PIP4K2A: variants seen among roughly 807,000 people sequenced by gnomAD.
PIP4K2A encodes the protein phosphatidylinositol 5-phosphate 4-kinase type-2 alpha.
PIP4K2A carries 14 observed loss-of-function variants against 42.9 expected under a neutral mutation model. That is an observed-to-expected ratio of 0.33 (90% CI 0.22 to 0.51). The LOEUF (loss-of-function observed/expected upper bound fraction) is 0.51, where lower values mean the gene tolerates loss of function less well. Among genes scored for constraint, PIP4K2A ranks in the 20% least tolerant of loss-of-function variants. The pLI, the probability that PIP4K2A is intolerant of heterozygous loss-of-function variation, is 0.97. For synonymous variants in PIP4K2A, 192 were observed against 192.2 expected, an observed-to-expected ratio of 1.00 and a Z score of 0.01; for missense variants, 434 against 519.8, an observed-to-expected ratio of 0.83 and a Z score of 1.61.
At chr10:22,571,966 T>C (rs1267665479) in intron 5 of PIP4K2A, among the ~76,000 whole-genome samples, 1 of 152,256 alleles carries the variant, frequency 6.6e-6, no homozygotes, top group African/African-American at 2.4e-5. Flanking sequence ...TTATTTTTCA[T>C]AAAAATGTTA....
At chr10:22,644,459 AAC>A (rs1838840140) in intron 1 of PIP4K2A, among the ~76,000 whole-genome samples, 2 of 152,092 alleles carry the variant, frequency 1.3e-5, no homozygotes, top group African/African-American at 2.4e-5. Flanking sequence ...ATCCCTGCCC[AAC>A]TCCTCTACAA....
intron 6 of PIP4K2A, among the ~76,000 whole-genome samples, chr10:22,552,695 TGAAGCCAGACCTACACA>T (rs1245216871): frequency 6.6e-6 from 1 of 151,700 alleles, no homozygotes; most frequent in African/African-American, 2.4e-5. Context: ...AAAAAAGGGT[TGAAGCCAGACCTACACA>T]CAAAAACAGG....
At chr10:22,593,258 G>A (rs761628600) in intron 3 of PIP4K2A, among the ~76,000 whole-genome samples, 2 of 152,140 alleles carry the variant, frequency 1.3e-5, no homozygotes, top group Admixed American at 1.3e-4. Context: ...TTGATCTGAA[G>A]GCAAGCAGGC....
intron 7 of PIP4K2A, among the ~76,000 whole-genome samples, chr10:22,544,795 A>G (rs1324640650): frequency 6.6e-6 from 1 of 151,972 alleles, no homozygotes; most frequent in African/African-American, 2.4e-5. Flanking sequence ...GGCCCCATCC[A>G]CTTCTGGGGC....
chr10:22,580,425 G>T (rs190843887), intron 4 of PIP4K2A, among the ~76,000 whole-genome samples: 5 of 151,904 alleles, frequency 3.3e-5, no homozygotes. Flanking sequence ...CAAGGCGGGC[G>T]GATTACTTGA....
In PIP4K2A at chr10:22,542,008, C is replaced by G. The variant is rs1179903399; in HGVS notation, c.832G>C (p.Val278Leu). 1 of 1,613,454 alleles carries G rather than the reference C, an allele frequency of 6.2e-7. No individual in the cohort carries two copies. The highest frequency in any genetic ancestry group is 8.5e-7 in the Non-Finnish European group (1 of 1,179,598). Residue 278 changes from valine (V) to leucine (L), a missense_variant, in exon 8 of 10, where the codon GTG becomes CTG. Physicochemically the swap from Val to Leu is conservative, Grantham distance 32 (BLOSUM62 1). This residue lies in a region of PIP4K2A where 395 missense variants were observed against 444.5 expected (regional missense o/e 0.89). Coordinates refer to ENST00000376573, the MANE Select transcript of PIP4K2A (RefSeq NM_005028.5). The part of the protein sequence containing the change: ...QLKLMDYSLL[V>L]GIHDVERAEQ... ...GCTCTCTCCACATCATGAATTCCCA[C>G]CAGCAGACTGTAGTCCATGAGCTTC...
At position 22,714,200 on chromosome 10, in the gene PIP4K2A, A is replaced by C. The variant is rs1235980719; in HGVS notation, c.127T>G (p.Trp43Gly). 1 of 1,610,844 alleles carries C rather than the reference A, an allele frequency of 6.2e-7. No individual in the cohort carries two copies. ...GCCCTTACCGAGTGGTTTACCCCCC[A>C]CATGAGGACGCTGAGCAGCGGGTCG... ...ASDPLLSVLMWGVNHSINELS... is the reference protein window; with the variant it reads ...ASDPLLSVLMGGVNHSINELS... Residue 43 changes from tryptophan to glycine, a missense_variant, in exon 1 of 10, where the codon TGG (tryptophan) becomes GGG (glycine). Physicochemically the swap from Trp to Gly is radical, Grantham distance 184. Transcript: ENST00000376573.
At chr10:22,576,721 T>A (rs1040729425) in intron 4 of PIP4K2A, among the ~76,000 whole-genome samples, 3 of 152,240 alleles carry the variant, frequency 2.0e-5, no homozygotes, top group Non-Finnish European at 4.4e-5. Context: ...AAGTGTTATC[T>A]ATCTTTTGAA....
At chr10:22,663,022 T>C (rs1407203047) in intron 1 of PIP4K2A, among the ~76,000 whole-genome samples, 1 of 152,250 alleles carries the variant, frequency 6.6e-6, no homozygotes, top group Non-Finnish European at 1.5e-5. Flanking sequence ...TGGAATTAGA[T>C]GCACATTCTT....
rs114528995 is a variant in PIP4K2A at position 22,624,514 on chromosome 10, A to C, written c.145-14797T>G. Among the ~76,000 whole-genome samples the C allele has an allele frequency of 1.7e-3, 252 of 152,360 alleles. 2 individuals are homozygous for C. The highest frequency in any genetic ancestry group is 5.9e-3 in the African/African-American group (245 of 41,582). ...ATTTGCTAACTTATTTCCTGTATTC[A>C]AAGAACTACTGTGTATGGTTGAGAG... On this transcript the variant is annotated intron_variant, in intron 1 of 9. Coordinates refer to ENST00000376573, the MANE Select transcript of PIP4K2A (RefSeq NM_005028.5).
At chr10:22,542,122 G>T in intron 7 of PIP4K2A, 75 bp from the exon 8 acceptor site, 1 of 1,370,658 alleles carries the variant, frequency 7.3e-7, no homozygotes. Flanking sequence ...GACAAGCTCG[G>T]GTGACACCCA....
chr10:22,707,231 A>G (rs1306554663), intron 1 of PIP4K2A, among the ~76,000 whole-genome samples: 1 of 152,218 alleles, frequency 6.6e-6, no homozygotes, highest in African/African-American at 2.4e-5. Flanking sequence ...CAAACTTCCA[A>G]AGTAGGTACC....
intron 1 of PIP4K2A, among the ~76,000 whole-genome samples, chr10:22,643,480 T>A (rs1434555802): frequency 6.6e-6 from 1 of 152,124 alleles, no homozygotes; most frequent in East Asian, 1.9e-4. Context: ...AGGCCTTCCA[T>A]CCCTGTTTAA....
chr10:22,576,102 A>G (rs975391212), intron 4 of PIP4K2A, among the ~76,000 whole-genome samples: 13 of 152,184 alleles, frequency 8.5e-5, no homozygotes, highest in African/African-American at 3.1e-4. Context: ...AAGTTTATCT[A>G]TTAGATTCGA....
intron 1 of PIP4K2A, among the ~76,000 whole-genome samples, chr10:22,667,954 G>C (rs28513642): frequency 6.7e-6 from 1 of 149,438 alleles, no homozygotes; most frequent in Admixed American, 6.7e-5. Context: ...GACAGAGAGA[G>C]AGACAGACAG....
intron 6 of PIP4K2A, among the ~76,000 whole-genome samples, chr10:22,559,805 T>G (rs1050009831): frequency 1.3e-5 from 2 of 152,152 alleles, no homozygotes; most frequent in African/African-American, 4.8e-5. Flanking sequence ...AAACAAGAGA[T>G]TCTCACCAAC....
At chr10:22,567,507 C>A (rs575786450) in intron 6 of PIP4K2A, 19 of 510,196 alleles carry the variant, frequency 3.7e-5, no homozygotes, top group Non-Finnish European at 6.7e-5. Context: ...GTGTTAGGTC[C>A]TGGTTCCCTG....
chr10:22,664,180 T>C (rs867825081), intron 1 of PIP4K2A, among the ~76,000 whole-genome samples: 936 of 76,178 alleles, frequency 0.012, 72 homozygotes, highest in African/African-American at 0.054. Context: ...TATATATATA[T>C]ACATATATAT....
intron 1 of PIP4K2A, among the ~76,000 whole-genome samples, chr10:22,630,947 A>G (rs1254053215): frequency 6.6e-6 from 1 of 152,190 alleles, no homozygotes; most frequent in Non-Finnish European, 1.5e-5. Flanking sequence ...AAGACTAAAT[A>G]CTAATGGACA....
Sources: allele counts gnomAD v4.1 joint callset (sites outside exome capture counted in the v4.1 genomes callset), GRCh38; gene constraint gnomAD v4.1.1; regional missense constraint gnomAD v4.1.1; transcripts MANE v1.5; gene names NCBI Gene and HGNC (gene_info 2026-07-23, HGNC 2026-07-21).